Variants in FRMD4A observed in about 807,000 individuals in gnomAD.
The protein encoded by FRMD4A is FERM domain-containing protein 4A.
A neutral mutation model predicts 129.1 loss-of-function variants in FRMD4A; 29 were observed. The observed-to-expected ratio is 0.22, with a 90% CI of 0.17 to 0.31. FRMD4A has a LOEUF of 0.31. FRMD4A is among the 10% of genes least tolerant of loss of function. The pLI, the probability that FRMD4A is intolerant of heterozygous loss-of-function variation, is 1.00. For synonymous variants in FRMD4A, 634 were observed against 571.6 expected (o/e 1.11, Z -1.56); for missense variants, 1,272 against 1,375.8 (o/e 0.92, Z 1.19).
At chr10:13,799,466 C>G (rs543580879) in intron 4 of FRMD4A, among the ~76,000 whole-genome samples, 1 of 151,118 alleles carries the variant, frequency 6.6e-6, no homozygotes, top group African/African-American at 2.4e-5. Context: ...CACCAGTTGA[C>G]TTTCTATATC....
At chr10:13,679,458 A>AAAAAAAAAAAAAAT (rs1554838339) in intron 15 of FRMD4A, among the ~76,000 whole-genome samples, 1 of 24,544 alleles carries the variant, frequency 4.1e-5, no homozygotes, top group Non-Finnish European at 6.9e-5. Context: ...AAAAAAAAAA[A>AAAAAAAAAAAAAAT]AAATATATAT....
intron 15 of FRMD4A, chr10:13,684,654 G>T (rs2084914903): frequency 2.0e-6 from 2 of 985,190 alleles, no homozygotes; most frequent in Admixed American, 6.2e-5. Flanking sequence ...CGCACATTCT[G>T]CCAGGAGGAC....
At chr10:14,222,913 C>A (rs567052383) in intron 2 of FRMD4A, among the ~76,000 whole-genome samples, 138 of 152,210 alleles carry the variant, frequency 9.1e-4, no homozygotes, top group African/African-American at 3.2e-3. Flanking sequence ...CATGGTGAAA[C>A]CCTATCTTTA....
At chr10:13,934,680 T>A (rs544360328) in intron 2 of FRMD4A, among the ~76,000 whole-genome samples, 11 of 152,174 alleles carry the variant, frequency 7.2e-5, no homozygotes, top group Non-Finnish European at 1.3e-4. Flanking sequence ...AGCAACATTT[T>A]TACATAAATA....
chr10:14,250,885 G>A (rs1481559814), intron 2 of FRMD4A, among the ~76,000 whole-genome samples: 6 of 152,166 alleles, frequency 3.9e-5, no homozygotes, highest in Non-Finnish European at 8.8e-5. Flanking sequence ...AATAGTACCA[G>A]AATGAAAAAC....
In FRMD4A at chr10:13,923,252, T is replaced by C. The variant is rs543978574; in HGVS notation, c.46-64340A>G. ...GATGTTTAAGGCCAAATCCCTTTCA[T>C]CTAAGGAGAATCTACAGTGTATATG... is the stretch of plus-strand genomic sequence containing the variant. On this transcript the variant is annotated intron_variant, in intron 2 of 24. Transcript: ENST00000357447. Among the ~76,000 whole-genome samples, 68 of 152,356 alleles carry C rather than the reference T, an allele frequency of 4.5e-4. No individual in the cohort carries two copies. In the South Asian group the frequency reaches 0.013, roughly 30 times the overall value.
At chr10:14,170,998 G>A (rs964214086) in intron 2 of FRMD4A, among the ~76,000 whole-genome samples, 3 of 146,910 alleles carry the variant, frequency 2.0e-5, no homozygotes, top group Non-Finnish European at 3.0e-5. Context: ...ATCACAAGAC[G>A]CTGAATACGA....
At chr10:14,165,980 C>T (rs543929373) in intron 2 of FRMD4A, among the ~76,000 whole-genome samples, 47 of 152,014 alleles carry the variant, frequency 3.1e-4, no homozygotes, top group Non-Finnish European at 5.4e-4. Flanking sequence ...TTGTAACAAA[C>T]GTATCCATGT....
intron 2 of FRMD4A, among the ~76,000 whole-genome samples, chr10:13,987,215 C>T (rs1382839763): frequency 6.6e-6 from 1 of 152,100 alleles, no homozygotes; most frequent in Non-Finnish European, 1.5e-5. Context: ...GCCACTTTAC[C>T]TCTGAACTAT....
Position 14,251,887 on chromosome 10 carries a change from GCA to G in FRMD4A, c.45+78169_45+78170del, listed in dbSNP as rs71388171. Among the ~76,000 whole-genome samples the G allele has an allele frequency of 1.8e-3, 269 of 150,710 alleles. 1 individual carries two copies. Among genetic ancestry groups the G allele is most frequent in the African/African-American group, 5.8e-3 (239 of 41,152 alleles). On this transcript the variant is annotated intron_variant, in intron 2 of 24. Transcript: ENST00000357447. ...CAAACGAGCATGTGTGCACACATGTGCACACACACACACACACAATTTAAAAC... is the reference window on the plus strand; with the variant it reads ...CAAACGAGCATGTGTGCACACATGTGCACACACACACACACAATTTAAAAC...
At chr10:13,758,508 A>C (rs1425028597) in intron 8 of FRMD4A, among the ~76,000 whole-genome samples, 1 of 152,264 alleles carries the variant, frequency 6.6e-6, no homozygotes, top group Admixed American at 6.5e-5. Flanking sequence ...GGAGGCATGC[A>C]GATGCAGATA....
intron 2 of FRMD4A, among the ~76,000 whole-genome samples, chr10:14,178,528 T>A (rs1051629281): frequency 6.6e-6 from 1 of 152,176 alleles, no homozygotes; most frequent in Non-Finnish European, 1.5e-5. Flanking sequence ...TTGTGTGAAG[T>A]GGTTGAATTG....
Position 14,156,147 on chromosome 10 carries a change from G to A in FRMD4A, c.45+173911C>T, listed in dbSNP as rs551107704. 2.1e-4 allele frequency among the ~76,000 whole-genome samples: 32 copies of A among 152,226 alleles called. No homozygotes were observed. The South Asian group carries it at 5.2e-3, about 25-fold the overall frequency. On this transcript the variant is annotated intron_variant, in intron 2 of 24. Coordinates refer to ENST00000357447, the MANE Select transcript of FRMD4A (RefSeq NM_018027.5). ...GGGAAATGTCCACTCACAAGACAACGGATCATGACTTGCGGTATATTCACA... is the reference window on the plus strand; with the variant it reads ...GGGAAATGTCCACTCACAAGACAACAGATCATGACTTGCGGTATATTCACA...
chr10:14,149,556 G>A (rs1421689324), intron 2 of FRMD4A, among the ~76,000 whole-genome samples: 1 of 152,134 alleles, frequency 6.6e-6, no homozygotes, highest in African/African-American at 2.4e-5. Context: ...CCAGGCTGGA[G>A]TACAGTGGTG....
intron 12 of FRMD4A, among the ~76,000 whole-genome samples, chr10:13,725,597 G>C (rs559010642): frequency 6.6e-6 from 1 of 152,066 alleles, no homozygotes; most frequent in African/African-American, 2.4e-5. Flanking sequence ...TCTGACACCA[G>C]CATGGGCTTC....
intron 6 of FRMD4A, among the ~76,000 whole-genome samples, chr10:13,779,296 A>G (rs186327048): frequency 4.7e-4 from 70 of 149,760 alleles, no homozygotes; most frequent in Admixed American, 8.1e-4. Context: ...AGCCTGGGCT[A>G]CAGAGTGAGA....
chr10:13,808,443 T>C (rs962529979), intron 4 of FRMD4A, among the ~76,000 whole-genome samples: 3 of 152,230 alleles, frequency 2.0e-5, no homozygotes, highest in Non-Finnish European at 4.4e-5. Context: ...GGCTAGCGCT[T>C]ACTACCTAGG....
At chr10:14,194,631 A>G (rs370585920) in intron 2 of FRMD4A, among the ~76,000 whole-genome samples, 2 of 152,118 alleles carry the variant, frequency 1.3e-5, no homozygotes, top group African/African-American at 4.8e-5. Flanking sequence ...ACAACAACAA[A>G]AAACCAAGGA....
chr10:13,926,563 A>G (rs1280989779), intron 2 of FRMD4A, among the ~76,000 whole-genome samples: 3 of 152,212 alleles, frequency 2.0e-5, no homozygotes, highest in Non-Finnish European at 4.4e-5. Flanking sequence ...TTATAATGTC[A>G]TCTCCTTCAA....
Sources: allele counts gnomAD v4.1 joint callset (sites outside exome capture counted in the v4.1 genomes callset), GRCh38; gene constraint gnomAD v4.1.1; transcripts MANE v1.5; gene names NCBI Gene and HGNC (gene_info 2026-07-23, HGNC 2026-07-21).